The following CPNE4 variants were observed in gnomAD, a reference collection of about 807,000 sequenced individuals.
The protein encoded by CPNE4 is copine-4.
In CPNE4, 25 loss-of-function variants were observed where a neutral mutation model predicts 67.9. The ratio of observed to expected loss-of-function variants is 0.37; its 90% CI spans 0.27 to 0.51. CPNE4 has a LOEUF of 0.51. Ranked by LOEUF, CPNE4 falls within the 20% of genes least tolerant of loss-of-function variation. The pLI is 0.93. For synonymous variants in CPNE4, 242 were observed against 244.9 expected, an observed-to-expected ratio of 0.99 and a Z score of 0.11; for missense variants, 464 against 690.8, an observed-to-expected ratio of 0.67 and a Z score of 3.68.
At chr3:131,762,820 C>T (rs184704249) in intron 2 of CPNE4, among the ~76,000 whole-genome samples, 1 of 151,702 alleles carries the variant, frequency 6.6e-6, no homozygotes, top group Non-Finnish European at 1.5e-5. Context: ...TTACGGATAT[C>T]ATGATATTTT....
intron 3 of CPNE4, among the ~76,000 whole-genome samples, chr3:131,706,724 C>T (rs2081423138): frequency 6.6e-6 from 1 of 152,180 alleles, no homozygotes; most frequent in Admixed American, 6.5e-5. Flanking sequence ...TCTTTGACGC[C>T]TGCTGCCTGG....
At chr3:131,691,893 AAAC>A (rs2081042610) in intron 5 of CPNE4, among the ~76,000 whole-genome samples, 1 of 152,156 alleles carries the variant, frequency 6.6e-6, no homozygotes, top group Non-Finnish European at 1.5e-5. Context: ...CATAGCTTCA[AAAC>A]AACAACTCTG....
chr3:131,627,822 G>T (rs951151401), intron 7 of CPNE4, among the ~76,000 whole-genome samples: 21 of 152,194 alleles, frequency 1.4e-4, no homozygotes, highest in African/African-American at 4.6e-4. Context: ...TGATTGAATT[G>T]CTGCAATTTC....
At chr3:131,746,334 T>C (rs562407600) in intron 2 of CPNE4, among the ~76,000 whole-genome samples, 29 of 152,228 alleles carry the variant, frequency 1.9e-4, no homozygotes, top group Non-Finnish European at 3.1e-4. Flanking sequence ...TGTTGTCAAC[T>C]CTAGTCATTC....
At chr3:131,926,868 G>A (rs529383593) in intron 1 of CPNE4, among the ~76,000 whole-genome samples, 1 of 152,096 alleles carries the variant, frequency 6.6e-6, no homozygotes, top group Non-Finnish European at 1.5e-5. Flanking sequence ...GCAATAGAAA[G>A]ATAAAAAGCC....
chr3:131,601,162 T>C, intron 7 of CPNE4, among the ~76,000 whole-genome samples: 1 of 152,152 alleles, frequency 6.6e-6, no homozygotes, highest in East Asian at 1.9e-4. Flanking sequence ...AACTAGGTAA[T>C]CATCCTCATA....
chr3:131,696,663 A>G (rs1669341656), intron 4 of CPNE4, 47 bp from the exon 5 acceptor site: 1 of 1,556,492 alleles, frequency 6.4e-7, no homozygotes, highest in Non-Finnish European at 8.9e-7. Flanking sequence ...TGAACTCCTT[A>G]GCTCCAGAAC....
Position 131,596,429 on chromosome 3 carries a change from C to T in CPNE4, c.682-8847G>A, listed in dbSNP as rs866238550. Reference sequence around the variant, plus strand: ...CGAGGTCAGGAGATCGAGACCATCCCGGCTAAAACGGTGAAACCCCGTCTC... The same window carrying T: ...CGAGGTCAGGAGATCGAGACCATCCTGGCTAAAACGGTGAAACCCCGTCTC... On this transcript the variant is annotated intron_variant, in intron 7 of 15. Transcript: ENST00000429747. Among the ~76,000 whole-genome samples, 40 of 117,752 alleles carry T rather than the reference C, an allele frequency of 3.4e-4. 4 individuals carry two copies. Among genetic ancestry groups the T allele is most frequent in the African/African-American group, 1.5e-3 (37 of 25,312 alleles). 77.2% of individuals were successfully genotyped at this position (117,752 alleles called of 152,430 possible).
intron 1 of CPNE4, among the ~76,000 whole-genome samples, chr3:131,958,664 G>A (rs144731097): frequency 0.063 from 6,939 of 110,202 alleles, 383 homozygotes; most frequent in African/African-American, 0.17. Context: ...TTGCACTGTT[G>A]CCCAGGCTGG....
chr3:131,788,505 A>G (rs1386737091), intron 2 of CPNE4, among the ~76,000 whole-genome samples: 1 of 152,140 alleles, frequency 6.6e-6, no homozygotes, highest in Admixed American at 6.5e-5. Context: ...GGTAATACTC[A>G]ATGTTGACAA....
chr3:131,619,649 G>A (rs961517111), intron 7 of CPNE4, among the ~76,000 whole-genome samples: 7 of 152,146 alleles, frequency 4.6e-5, no homozygotes, highest in East Asian at 1.9e-4. Flanking sequence ...TTCTAAGCCC[G>A]TCCTATTTCA....
intron 2 of CPNE4, among the ~76,000 whole-genome samples, chr3:131,786,839 A>G (rs1284654892): frequency 6.6e-6 from 1 of 152,146 alleles, no homozygotes; most frequent in Non-Finnish European, 1.5e-5. Context: ...TTACACAGCA[A>G]CCATTTAGAA....
chr3:131,867,910 T>C (rs73203895), intron 2 of CPNE4, among the ~76,000 whole-genome samples: 11,572 of 152,200 alleles, frequency 0.076, 584 homozygotes, highest in East Asian at 0.17. Context: ...ATAAGACAGA[T>C]CTCAACAATA....
intron 1 of CPNE4, among the ~76,000 whole-genome samples, chr3:131,995,985 T>C (rs976669176): frequency 8.5e-5 from 13 of 152,330 alleles, no homozygotes; most frequent in Admixed American, 2.0e-4. Context: ...TAGGACTCCA[T>C]GGCTCATGCT....
At chr3:131,637,144 C>G (rs962186109) in intron 7 of CPNE4, among the ~76,000 whole-genome samples, 2 of 152,028 alleles carry the variant, frequency 1.3e-5, no homozygotes, top group African/African-American at 4.8e-5. Flanking sequence ...TTTAACACCC[C>G]CAAAAGATCA....
At chr3:131,724,710 G>A (rs1400870148) in intron 2 of CPNE4, among the ~76,000 whole-genome samples, 1 of 152,030 alleles carries the variant, frequency 6.6e-6, no homozygotes, top group Non-Finnish European at 1.5e-5. Flanking sequence ...CACATTGAGG[G>A]GTAGTAATGG....
At chr3:131,876,273 A>C (rs1583386241) in intron 2 of CPNE4, among the ~76,000 whole-genome samples, 1 of 143,818 alleles carries the variant, frequency 7.0e-6, no homozygotes, top group Non-Finnish European at 1.5e-5. Context: ...TAAATAAATA[A>C]ATAAATAAAT....
intron 1 of CPNE4, among the ~76,000 whole-genome samples, chr3:131,997,187 T>C (rs1316825060): frequency 6.6e-6 from 1 of 152,166 alleles, no homozygotes; most frequent in Non-Finnish European, 1.5e-5. Flanking sequence ...ATTAAAAGTC[T>C]ATTTGTAACC....
chr3:131,943,558 A>G (rs975346398), intron 1 of CPNE4, among the ~76,000 whole-genome samples: 14 of 152,016 alleles, frequency 9.2e-5, no homozygotes, highest in Non-Finnish European at 7.4e-5. Context: ...AAAGCTCTGG[A>G]CATCTCCCCC....
Sources: allele counts gnomAD v4.1 joint callset (sites outside exome capture counted in the v4.1 genomes callset), GRCh38; gene constraint gnomAD v4.1.1; transcripts MANE v1.5; gene names NCBI Gene and HGNC (gene_info 2026-07-23, HGNC 2026-07-21).